CARS2: variants seen among roughly 807,000 people sequenced by gnomAD.
CARS2 encodes the protein probable cysteine--tRNA ligase, mitochondrial.
In CARS2, 52 loss-of-function variants were observed where a neutral mutation model predicts 68.8. The ratio of observed to expected loss-of-function variants is 0.76; its 90% CI spans 0.61 to 0.95. The LOEUF is 0.95. CARS2 is among the 40% of genes least tolerant of loss of function. The pLI is 0.00. For synonymous variants in CARS2, 314 were observed against 303.6 expected (o/e 1.03, Z -0.36); for missense variants, 780 against 754.2 (o/e 1.03, Z -0.40).
intron 6 of CARS2, 48 bp downstream of exon 6, chr13:110,683,003 C>T: frequency 7.3e-6 from 10 of 1,372,440 alleles, no homozygotes; most frequent in Non-Finnish European, 1.0e-5. Flanking sequence ...AGAGCTGAGA[C>T]CCGAGGCAGA....
At chr13:110,691,267 C>T (rs148746293) in intron 3 of CARS2, among the ~76,000 whole-genome samples, 6 of 152,300 alleles carry the variant, frequency 3.9e-5, no homozygotes, top group Middle Eastern at 3.4e-3. Flanking sequence ...CCACCTTCCT[C>T]GGCCTCCTGA....
intron 7 of CARS2, among the ~76,000 whole-genome samples, chr13:110,673,144 G>A (rs1166314200): frequency 2.0e-5 from 3 of 152,176 alleles, no homozygotes; most frequent in Non-Finnish European, 4.4e-5. Flanking sequence ...GGTACAAGGA[G>A]GAGCTGGTAC....
chr13:110,700,778 G>T (rs908841939), intron 3 of CARS2, among the ~76,000 whole-genome samples: 1 of 152,230 alleles, frequency 6.6e-6, no homozygotes, highest in Non-Finnish European at 1.5e-5. Flanking sequence ...CAATCAGTGG[G>T]TCTGGTTCCC....
chr13:110,709,206 C>T (rs900196272), upstream of CARS2, among the ~76,000 whole-genome samples: 5 of 151,240 alleles, frequency 3.3e-5, no homozygotes, highest in Non-Finnish European at 7.4e-5. Flanking sequence ...AAGCAATTCT[C>T]CTGCTTGTCT....
Position 110,683,107 on chromosome 13 carries a change from C to T in CARS2, c.599G>A (p.Arg200Lys). 1.2e-6 allele frequency: 2 copies of T among 1,600,632 alleles called. No individual in the cohort carries two copies. The highest frequency in any genetic ancestry group is 8.5e-7 in the Non-Finnish European group (1 of 1,175,298). The change falls in exon 6 of 15, where the codon AGA (arginine) becomes AAA (lysine). Residue 200 changes from arginine to lysine, a missense_variant. Transcript: ENST00000257347. The part of the protein sequence containing the change: ...KGNVYFDLKS[R>K]GDKYGKLVGV... Reference sequence around the variant, plus strand: ...GACCAATTTGCCATACTTGTCTCCTCTAGACTTCAGATCGAAGTAGACATT... The same window carrying T: ...GACCAATTTGCCATACTTGTCTCCTTTAGACTTCAGATCGAAGTAGACATT...
upstream of CARS2, among the ~76,000 whole-genome samples, chr13:110,710,878 T>C (rs762150306): frequency 6.6e-6 from 1 of 152,170 alleles, no homozygotes; most frequent in South Asian, 2.1e-4. Flanking sequence ...TATGTGTATG[T>C]GAAGAGAGTA....
At chr13:110,667,548 C>G (rs149548457) in intron 7 of CARS2, 75 bp from the exon 8 acceptor site, 2 of 1,328,742 alleles carry the variant, frequency 1.5e-6, no homozygotes, top group African/African-American at 3.0e-5. Context: ...TCTATTTATT[C>G]CTTCCAGCCT....
intron 9 of CARS2, among the ~76,000 whole-genome samples, chr13:110,661,952 A>G (rs1465971592): frequency 1.3e-5 from 2 of 152,244 alleles, no homozygotes; most frequent in Non-Finnish European, 1.5e-5. Flanking sequence ...ACAGATCACC[A>G]TAACAGATTT....
chr13:110,703,041 C>G (rs966815652), intron 2 of CARS2, among the ~76,000 whole-genome samples: 2 of 152,180 alleles, frequency 1.3e-5, no homozygotes, highest in Non-Finnish European at 2.9e-5. Flanking sequence ...GCACCCTCCC[C>G]AGTCTGGCTG....
chr13:110,650,010 T>C (rs2062162230), intron 10 of CARS2, among the ~76,000 whole-genome samples: 1 of 144,668 alleles, frequency 6.9e-6, no homozygotes, highest in Non-Finnish European at 1.5e-5. Flanking sequence ...CGATCTCAGC[T>C]CACTGCACCT....
chr13:110,713,098 T>C (rs1215464746), intron 1 of CARS2: 1 of 1,438,112 alleles, frequency 7.0e-7, no homozygotes, highest in Non-Finnish European at 9.1e-7. Flanking sequence ...CCGGAGGACT[T>C]GGGTTTCTAG....
At chr13:110,644,014 C>G (rs1450666694) in intron 13 of CARS2, 1 of 943,064 alleles carries the variant, frequency 1.1e-6, no homozygotes, top group Non-Finnish European at 1.4e-6. Context: ...GGCAAGGGGG[C>G]TCAGGTCGCC....
intron 3 of CARS2, among the ~76,000 whole-genome samples, chr13:110,700,816 C>T (rs2063762608): frequency 6.6e-6 from 1 of 152,168 alleles, no homozygotes; most frequent in Non-Finnish European, 1.5e-5. Flanking sequence ...AAGTCATTTC[C>T]CTTGGAGGCC....
At chr13:110,652,152 G>T (rs539826035) in intron 9 of CARS2, among the ~76,000 whole-genome samples, 1 of 152,238 alleles carries the variant, frequency 6.6e-6, no homozygotes, top group Admixed American at 6.5e-5. Flanking sequence ...TTGCGTTTCC[G>T]TCTCCCTCGG....
At chr13:110,697,216 C>T (rs2063647968) in intron 3 of CARS2, among the ~76,000 whole-genome samples, 1 of 152,234 alleles carries the variant, frequency 6.6e-6, no homozygotes, top group Non-Finnish European at 1.5e-5. Flanking sequence ...CCAAACACCA[C>T]CTCTGCTGAG....
intron 10 of CARS2, among the ~76,000 whole-genome samples, chr13:110,649,936 T>TTTTTTTTTTG (rs2062158001): frequency 1.4e-5 from 2 of 138,018 alleles, no homozygotes; most frequent in East Asian, 4.2e-4. Flanking sequence ...AACGACTTTT[T>TTTTTTTTTTG]TTTTTTTTTT....
intron 9 of CARS2, chr13:110,663,016 T>G: frequency 2.2e-6 from 1 of 458,490 alleles, no homozygotes; most frequent in South Asian, 1.5e-5. Context: ...TGATGCCATT[T>G]TTCAGGTTGG....
intron 5 of CARS2, among the ~76,000 whole-genome samples, chr13:110,684,012 T>G (rs1366284642): frequency 6.6e-6 from 1 of 152,196 alleles, no homozygotes; most frequent in Non-Finnish European, 1.5e-5. Flanking sequence ...AAAGCAGAGC[T>G]GGGGAGGAGG....
rs1260639986 is a variant in CARS2, at chr13:110,668,373, C to T, written c.786-900G>A. 1.3e-5 allele frequency among the ~76,000 whole-genome samples: 2 copies of T among 152,154 alleles called. No individual in the cohort carries two copies. Among genetic ancestry groups the T allele is most frequent in the East Asian group, 3.9e-4 (2 of 5,184 alleles). On this transcript the variant is annotated intron_variant, in intron 7 of 14. Transcript: ENST00000257347. The surrounding 1 kb of genome is among the most constrained non-coding windows in gnomAD (Gnocchi z 4.1). Reference sequence around the variant, plus strand: ...CCTGGCTAACATGGTGAAACCCCGTCTCCACTAAAATACAAAAAATCAGCC... The same window carrying T: ...CCTGGCTAACATGGTGAAACCCCGTTTCCACTAAAATACAAAAAATCAGCC...
Sources: allele counts gnomAD v4.1 joint callset (sites outside exome capture counted in the v4.1 genomes callset), GRCh38; gene constraint gnomAD v4.1.1; non-coding constraint Gnocchi (gnomAD v3.1); transcripts MANE v1.5; gene names NCBI Gene and HGNC (gene_info 2026-07-23, HGNC 2026-07-21).